ZFAT: variants seen among roughly 807,000 people sequenced by gnomAD.
The protein encoded by ZFAT is zinc finger and AT-hook domain containing, also known as zinc finger protein ZFAT.
A neutral mutation model predicts 117.7 loss-of-function variants in ZFAT; 64 were observed. The ratio of observed to expected loss-of-function variants is 0.54; its 90% CI spans 0.44 to 0.67. The LOEUF (loss-of-function observed/expected upper bound fraction) is 0.67. ZFAT is among the 30% of genes least tolerant of loss of function. ZFAT has a pLI of 0.00. For synonymous variants in ZFAT, 679 were observed against 615.0 expected, an observed-to-expected ratio of 1.10 and a Z score of -1.54; for missense variants, 1,433 against 1,584.5, an observed-to-expected ratio of 0.90 and a Z score of 1.62.
chr8:134,718,497 AAG>A, the ZFAT span, among the ~76,000 whole-genome samples: 1,190 of 152,302 alleles, frequency 7.8e-3, 16 homozygotes, highest in African/African-American at 0.027. Flanking sequence ...ACCTGTCTCA[AAG>A]AAAAAAAATA....
chr8:134,739,079 C>T, the ZFAT span, among the ~76,000 whole-genome samples: 3 of 152,210 alleles, frequency 2.0e-5, no homozygotes, highest in Non-Finnish European at 2.9e-5. Context: ...AGGCCACCCT[C>T]CTTCCCTTCC....
the ZFAT span, among the ~76,000 whole-genome samples, chr8:134,790,740 C>A: frequency 6.6e-6 from 1 of 152,188 alleles, no homozygotes; most frequent in Non-Finnish European, 1.5e-5. Flanking sequence ...TCAGGCCAGG[C>A]ATGGTGGCTC....
At chr8:134,561,792 T>A (rs947196834) in intron 11 of ZFAT, among the ~76,000 whole-genome samples, 2 of 152,210 alleles carry the variant, frequency 1.3e-5, no homozygotes, top group African/African-American at 2.4e-5. Context: ...TTCTTAGTAA[T>A]GTTTGCCATT....
At chr8:134,823,020 GT>G in the ZFAT span, among the ~76,000 whole-genome samples, 1 of 152,170 alleles carries the variant, frequency 6.6e-6, no homozygotes, top group African/African-American at 2.4e-5. Flanking sequence ...CTGACTTAAA[GT>G]ACAGGTTAAG....
intron 3 of ZFAT, among the ~76,000 whole-genome samples, chr8:134,620,393 A>C (rs1165627198): frequency 1.3e-5 from 2 of 152,214 alleles, no homozygotes; most frequent in African/African-American, 4.8e-5. Context: ...CACGCTGCAC[A>C]GTCAACTGCA....
the ZFAT span, among the ~76,000 whole-genome samples, chr8:134,787,531 C>T: frequency 3.9e-5 from 6 of 152,290 alleles, no homozygotes; most frequent in East Asian, 1.9e-4. Flanking sequence ...TAGTCTGTTA[C>T]TTTGGTCTAT....
intron 11 of ZFAT, among the ~76,000 whole-genome samples, chr8:134,556,613 T>C (rs1586702881): frequency 6.6e-6 from 1 of 152,054 alleles, no homozygotes; most frequent in South Asian, 2.1e-4. Flanking sequence ...GAAACAATGA[T>C]AAGGGTTAGA....
chr8:134,710,252 G>C (rs886595913), intron 1 of ZFAT, among the ~76,000 whole-genome samples: 1 of 152,190 alleles, frequency 6.6e-6, no homozygotes, highest in Non-Finnish European at 1.5e-5. Context: ...TAACAAAATG[G>C]AGCCAGAGGA....
chr8:134,574,658 G>A (rs1347458641), intron 10 of ZFAT, among the ~76,000 whole-genome samples: 2 of 152,146 alleles, frequency 1.3e-5, no homozygotes, highest in East Asian at 3.9e-4. Context: ...CTTGTTTGAA[G>A]TATCTGCTAA....
intron 3 of ZFAT, among the ~76,000 whole-genome samples, chr8:134,633,023 A>T (rs995048821): frequency 3.3e-5 from 5 of 152,236 alleles, no homozygotes; most frequent in Admixed American, 2.0e-4. Context: ...TGACGGAAAA[A>T]TAATTGATAC....
At chr8:134,711,473 G>C (rs1813994058) in intron 1 of ZFAT, among the ~76,000 whole-genome samples, 1 of 152,128 alleles carries the variant, frequency 6.6e-6, no homozygotes, top group Admixed American at 6.5e-5. Flanking sequence ...TGAATCAGCT[G>C]GGCACCACAG....
chr8:134,791,793 C>T, the ZFAT span, among the ~76,000 whole-genome samples: 1 of 152,138 alleles, frequency 6.6e-6, no homozygotes, highest in Non-Finnish European at 1.5e-5. Flanking sequence ...GCATCTCTTA[C>T]AGCTAAAAGA....
intron 15 of ZFAT, among the ~76,000 whole-genome samples, chr8:134,484,106 C>T (rs1370173535): frequency 6.6e-6 from 1 of 152,196 alleles, no homozygotes; most frequent in Non-Finnish European, 1.5e-5. Flanking sequence ...TCAGGACACC[C>T]TCCTTAAGGA....
rs1814081161 is a variant in ZFAT, at chr8:134,712,938, G to A, written c.-75C>T. ...CCCTCCCGTGCCGACCGAGGGGGCG[G>A]GGCGCCCTGCTGACGCTTCGCTTTT... On this transcript the variant is annotated 5_prime_UTR_variant, in exon 1 of 16. Coordinates refer to ENST00000377838, the MANE Select transcript of ZFAT (RefSeq NM_020863.4). 7.0e-7 allele frequency: 1 copy of A among 1,427,624 alleles called. No individual in the cohort carries two copies. The highest frequency in any genetic ancestry group is 9.2e-7 in the Non-Finnish European group (1 of 1,084,068). The allele number at this position is 1,427,624 out of a possible 1,614,324, so 88.4% of individuals were successfully genotyped here. A position where few individuals can be genotyped will look rare whatever the true frequency, so the allele number is the denominator to read the frequency against.
chr8:134,676,716 T>G (rs1351949998), intron 1 of ZFAT, among the ~76,000 whole-genome samples: 3 of 152,108 alleles, frequency 2.0e-5, no homozygotes, highest in African/African-American at 7.2e-5. Context: ...CCTCAGCAAA[T>G]GCAAAAGAAC....
chr8:134,751,182 G>A, the ZFAT span, among the ~76,000 whole-genome samples: 13 of 152,110 alleles, frequency 8.5e-5, no homozygotes, highest in South Asian at 2.1e-4. Flanking sequence ...TGACAAGCAG[G>A]GTTTTGAAAC....
In ZFAT at chr8:134,478,593, C is replaced by T. The variant is rs61748832; in HGVS notation, c.3621G>A (p.Thr1207=). 2.4e-3 allele frequency: 3,848 copies of T among 1,593,042 alleles called. 92 individuals are homozygous for T. The African/African-American group carries it at 0.045, about 19-fold the overall frequency. Residue 1207 remains threonine, a synonymous_variant, in exon 16 of 16, where the codon ACG becomes ACA. Coordinates refer to ENST00000377838, the MANE Select transcript of ZFAT (RefSeq NM_020863.4). This position sits in a 1 kb window ranked among gnomAD's most constrained non-coding sequence, Gnocchi z 5.2. ...CCCCGCCCTGCGTGTAGACAGTCAC[C>T]GTCTCAATGCCCTCCACGTCGTCGG... is the stretch of plus-strand genomic sequence containing the variant. ...VSSDDVEGIE[T]VTVYTQGGEA...
chr8:134,823,304 T>TA, the ZFAT span, among the ~76,000 whole-genome samples: 173 of 152,228 alleles, frequency 1.1e-3, no homozygotes, highest in Middle Eastern at 3.4e-3. Context: ...TAAAAAAAAT[T>TA]AGATACTCAA....
chr8:134,534,607 G>A (rs71528361), intron 11 of ZFAT, among the ~76,000 whole-genome samples: 1 of 150,058 alleles, frequency 6.7e-6, no homozygotes, highest in Non-Finnish European at 1.5e-5. Flanking sequence ...GAGGGAGAGA[G>A]GGAAGAGAGG....
Sources: allele counts gnomAD v4.1 joint callset (sites outside exome capture counted in the v4.1 genomes callset), GRCh38; gene constraint gnomAD v4.1.1; non-coding constraint Gnocchi (gnomAD v3.1); transcripts MANE v1.5; gene names NCBI Gene and HGNC (gene_info 2026-07-23, HGNC 2026-07-21).